ANO10: variants seen among roughly 807,000 people sequenced by gnomAD.
The protein encoded by ANO10 is anoctamin 10, also known as anoctamin-10.
A neutral mutation model predicts 74.7 loss-of-function variants in ANO10; 77 were observed. The observed-to-expected ratio is 1.03, with a 90% CI of 0.86 to 1.25. The LOEUF is 1.25. ANO10 is among the 50% of genes most tolerant of loss of function. The pLI is 0.00. For synonymous variants in ANO10, 279 were observed against 284.9 expected (o/e 0.98, Z 0.21); for missense variants, 721 against 778.1 (o/e 0.93, Z 0.87).
chr3:43,508,728 C>G (rs9758468), intron 11 of ANO10, among the ~76,000 whole-genome samples: 20,792 of 149,342 alleles, frequency 0.14, 1,731 homozygotes, highest in African/African-American at 0.23. Context: ...CTCACTCATA[C>G]GTGGGAATTG....
chr3:43,389,784 G>A (rs1234761861), intron 12 of ANO10, among the ~76,000 whole-genome samples: 1 of 152,126 alleles, frequency 6.6e-6, no homozygotes, highest in East Asian at 1.9e-4. Flanking sequence ...TTTTCAAAAA[G>A]GAACTGGTAT....
intron 2 of ANO10, among the ~76,000 whole-genome samples, chr3:43,602,197 A>G (rs891150806): frequency 3.9e-5 from 6 of 152,008 alleles, no homozygotes; most frequent in Non-Finnish European, 7.4e-5. Flanking sequence ...CTTTCCACAA[A>G]TATTTCTCTC....
chr3:43,678,126 C>A (rs2084146471), intron 1 of ANO10, among the ~76,000 whole-genome samples: 1 of 152,156 alleles, frequency 6.6e-6, no homozygotes, highest in African/African-American at 2.4e-5. Context: ...CTTAAATGTC[C>A]TGAGCACTCT....
intron 9 of ANO10, 128 bp downstream of exon 9, chr3:43,561,092 G>T: frequency 9.2e-7 from 1 of 1,091,994 alleles, no homozygotes; most frequent in Non-Finnish European, 1.4e-6. Flanking sequence ...TCATGATGAG[G>T]AAACTGACTG....
intron 12 of ANO10, among the ~76,000 whole-genome samples, chr3:43,401,469 G>A (rs1359328852): frequency 9.8e-6 from 1 of 102,246 alleles, no homozygotes; most frequent in East Asian, 2.4e-4. Context: ...CTTTGTTAAT[G>A]GGCTTCTACT....
intron 12 of ANO10, among the ~76,000 whole-genome samples, chr3:43,377,743 A>G (rs548004171): frequency 7.2e-4 from 110 of 152,306 alleles, no homozygotes; most frequent in Admixed American, 2.0e-3. Context: ...TGTTCCAAAG[A>G]AACCCCCGCA....
intron 4 of ANO10, 115 bp downstream of exon 4, chr3:43,598,417 T>A (rs1044789844): frequency 3.8e-6 from 4 of 1,059,550 alleles, no homozygotes; most frequent in Non-Finnish European, 5.5e-6. Context: ...GATATGTTCA[T>A]AAAAATACAA....
chr3:43,634,155 A>AT (rs2083580897), intron 1 of ANO10, among the ~76,000 whole-genome samples: 1 of 152,172 alleles, frequency 6.6e-6, no homozygotes, highest in Non-Finnish European at 1.5e-5. Flanking sequence ...TCTCCCAACA[A>AT]TTAGGAGTAG....
At chr3:43,672,404 G>A (rs1368726503) in intron 1 of ANO10, among the ~76,000 whole-genome samples, 4 of 152,098 alleles carry the variant, frequency 2.6e-5, no homozygotes, top group Non-Finnish European at 5.9e-5. Flanking sequence ...CCTGGTGCAT[G>A]CCTGCTCTCC....
chr3:43,411,235 T>C (rs1326200755), intron 12 of ANO10, among the ~76,000 whole-genome samples: 2 of 152,196 alleles, frequency 1.3e-5, no homozygotes, highest in Non-Finnish European at 2.9e-5. Context: ...CAAGAATTTA[T>C]TGGAAGCTAC....
At chr3:43,440,084 CA>C (rs754186482) in intron 11 of ANO10, among the ~76,000 whole-genome samples, 3 of 149,428 alleles carry the variant, frequency 2.0e-5, no homozygotes, top group Middle Eastern at 3.5e-3. Context: ...CAAGTTCCTA[CA>C]AAAAAAAATC....
chr3:43,462,898 T>C (rs1575920511), intron 11 of ANO10, among the ~76,000 whole-genome samples: 1 of 152,110 alleles, frequency 6.6e-6, no homozygotes, highest in South Asian at 2.1e-4. Flanking sequence ...CTTCAGAGGG[T>C]GCAAGCCCCA....
chr3:43,659,992 G>A (rs1234556722), intron 1 of ANO10, among the ~76,000 whole-genome samples: 2 of 152,190 alleles, frequency 1.3e-5, no homozygotes, highest in African/African-American at 4.8e-5. Context: ...CGACAGACCT[G>A]CGGCTGAGGG....
intron 12 of ANO10, among the ~76,000 whole-genome samples, chr3:43,375,614 C>A (rs539557239): frequency 1.3e-5 from 2 of 152,260 alleles, no homozygotes; most frequent in African/African-American, 4.8e-5. Flanking sequence ...TGCGGAGACA[C>A]TTCCTTTAAA....
At chr3:43,597,514 A>G (rs907994189) in intron 4 of ANO10, among the ~76,000 whole-genome samples, 15 of 152,174 alleles carry the variant, frequency 9.9e-5, no homozygotes, top group Admixed American at 8.5e-4. Flanking sequence ...TCGCAAGGAC[A>G]GAAAACCAAA....
chr3:43,580,613 T>C (rs376573390), intron 4 of ANO10, 141 bp from the exon 5 acceptor site: 3 of 971,610 alleles, frequency 3.1e-6, no homozygotes, highest in East Asian at 2.6e-5. Context: ...AACCTGTATA[T>C]TCTTTCATTT....
chr3:43,578,428 C>T (rs2081111385), intron 5 of ANO10, among the ~76,000 whole-genome samples: 1 of 152,174 alleles, frequency 6.6e-6, no homozygotes, highest in Non-Finnish European at 1.5e-5. Context: ...TCACCATCGA[C>T]TCACTTTCTC....
At chr3:43,470,596 TTTTATTTATTTA>T (rs61427290) in intron 11 of ANO10, among the ~76,000 whole-genome samples, 4 of 143,908 alleles carry the variant, frequency 2.8e-5, no homozygotes, top group South Asian at 2.2e-4. Context: ...CTGGTAATTA[TTTTATTTATTTA>T]TTTATTTATT....
chr3:43,588,170 T>A (rs2081564654), intron 4 of ANO10, among the ~76,000 whole-genome samples: 1 of 152,204 alleles, frequency 6.6e-6, no homozygotes, highest in Non-Finnish European at 1.5e-5. Context: ...CCAGAACTTG[T>A]ATTGTTAATA....
Sources: allele counts gnomAD v4.1 joint callset (sites outside exome capture counted in the v4.1 genomes callset), GRCh38; gene constraint gnomAD v4.1.1; transcripts MANE v1.5; gene names NCBI Gene and HGNC (gene_info 2026-07-23, HGNC 2026-07-21).